The following SLC4A4 variants were observed in gnomAD, a reference collection of about 807,000 sequenced individuals.
The protein encoded by SLC4A4 is solute carrier family 4 member 4.
In SLC4A4, 27 loss-of-function variants were observed where a neutral mutation model predicts 111.5. That is an observed-to-expected ratio of 0.24 (90% CI 0.18 to 0.33). The LOEUF (loss-of-function observed/expected upper bound fraction) is 0.33, where lower values mean the gene tolerates loss of function less well. Among genes scored for constraint, SLC4A4 ranks in the 10% least tolerant of loss-of-function variants. The pLI, the probability that SLC4A4 is intolerant of heterozygous loss-of-function variation, is 1.00. For missense variants in SLC4A4, 909 were observed against 1,315.5 expected (o/e 0.69, Z 4.78); for synonymous variants, 443 against 463.4 (o/e 0.96, Z 0.57).
chr4:71,544,082 T>A (rs1239492279), intron 18 of SLC4A4, among the ~76,000 whole-genome samples: 1 of 152,100 alleles, frequency 6.6e-6, no homozygotes, highest in East Asian at 1.9e-4. Context: ...TACAGTCTAA[T>A]GTCAAAGACA....
chr4:71,142,789 T>A (rs953314909), intron 2 of SLC4A4, among the ~76,000 whole-genome samples: 1 of 147,934 alleles, frequency 6.8e-6, no homozygotes, highest in East Asian at 2.0e-4. Context: ...TTTTTTTAGC[T>A]TTCTACAGCT....
intron 12 of SLC4A4, among the ~76,000 whole-genome samples, chr4:71,463,509 G>A (rs551789014): frequency 9.2e-5 from 14 of 152,282 alleles, no homozygotes; most frequent in Non-Finnish European, 1.6e-4. Flanking sequence ...CCAGTGCAGT[G>A]TGTATAATAA....
rs1944911282 is a variant in SLC4A4, at chr4:71,497,635, C to A, written c.2109C>A (p.Thr703=). The part of the protein sequence containing the change: ...TLMSFILFLG[T]YTSSMALKKF... ...TGTCTTTTATCCTCTTCTTGGGAAC[C>A]TACACCTCTTCCATGGCTCTGAAAA... Residue 703 remains threonine, a synonymous_variant, in exon 16 of 26, where the codon ACC becomes ACA. Transcript: ENST00000264485. 1.2e-6 allele frequency: 2 copies of A among 1,613,530 alleles called. No homozygotes were observed. Among genetic ancestry groups the A allele is most frequent in the Admixed American group, 3.3e-5 (2 of 59,928 alleles).
intron 3 of SLC4A4, among the ~76,000 whole-genome samples, chr4:71,308,109 T>C (rs1008731367): frequency 6.6e-6 from 1 of 152,190 alleles, no homozygotes; most frequent in Non-Finnish European, 1.5e-5. Context: ...TATAGTCTTC[T>C]TTCTCTTCTC....
At chr4:71,505,599 C>T (rs965598100) in intron 16 of SLC4A4, among the ~76,000 whole-genome samples, 5 of 151,748 alleles carry the variant, frequency 3.3e-5, no homozygotes, top group Non-Finnish European at 5.9e-5. Flanking sequence ...AGACCTTTGT[C>T]GGATACATAG....
chr4:71,373,671 G>A lies in SLC4A4; in HGVS notation c.730+16484G>A, dbSNP rs534690197. Among the ~76,000 whole-genome samples the A allele has an allele frequency of 4.6e-5, 7 of 152,308 alleles. No individual in the cohort carries two copies. The South Asian group carries it at 1.0e-3, about 23-fold the overall frequency. The stretch of plus-strand genomic sequence containing the variant: ...AAGTTTTTAGTACGGAGATAGCATG[G>A]TTAGAACTTTATGTTAGGGAAATTA... On this transcript the variant is annotated intron_variant, in intron 6 of 25. Transcript: ENST00000264485.
At chr4:71,553,081 T>C (rs943344247) in intron 20 of SLC4A4, among the ~76,000 whole-genome samples, 1 of 151,938 alleles carries the variant, frequency 6.6e-6, no homozygotes, top group African/African-American at 2.4e-5. Flanking sequence ...TTTATTGAGA[T>C]GTTGCATTAT....
rs557570926 is a variant in SLC4A4, at chr4:71,088,060, A to C, written c.-64-4670A>C. On this transcript the variant is annotated intron_variant, in intron 1 of 26. Transcript: ENST00000649996. ...AGTCTAAGTCTCTTTGTAGGTCTCTAAGGACTTGCTTTATGAATCTGGGTT... is the reference window on the plus strand; with the variant it reads ...AGTCTAAGTCTCTTTGTAGGTCTCTCAGGACTTGCTTTATGAATCTGGGTT... Among the ~76,000 whole-genome samples the C allele has an allele frequency of 9.1e-3, 1,383 of 151,308 alleles. 18 individuals carry two copies. The highest frequency in any genetic ancestry group is 0.033 in the East Asian group (167 of 5,082).
intron 20 of SLC4A4, among the ~76,000 whole-genome samples, chr4:71,553,951 G>A (rs1399666858): frequency 6.6e-6 from 1 of 151,620 alleles, no homozygotes; most frequent in Admixed American, 6.6e-5. Flanking sequence ...TTTTGAAGAA[G>A]CATTTGATGT....
chr4:71,236,467 C>A, intron 1 of SLC4A4, 109 bp from the exon 2 acceptor site: 1 of 995,796 alleles, frequency 1.0e-6, no homozygotes. Context: ...CTCTGCCCTG[C>A]TAACATGAAC....
At chr4:71,211,049 T>A (rs1187911239) in intron 1 of SLC4A4, among the ~76,000 whole-genome samples, 1 of 152,270 alleles carries the variant, frequency 6.6e-6, no homozygotes, top group Non-Finnish European at 1.5e-5. Context: ...CTTTGTAATT[T>A]GTCTTGGCAA....
At chr4:71,251,085 A>G (rs1033062840) in intron 2 of SLC4A4, among the ~76,000 whole-genome samples, 1 of 152,228 alleles carries the variant, frequency 6.6e-6, no homozygotes. Context: ...TAATAGATGT[A>G]TCTTACATAT....
At chr4:71,196,390 A>G (rs1323539206) in intron 1 of SLC4A4, among the ~76,000 whole-genome samples, 1 of 152,224 alleles carries the variant, frequency 6.6e-6, no homozygotes, top group Non-Finnish European at 1.5e-5. Flanking sequence ...AAAGATTTAG[A>G]TAAACTAGAT....
chr4:71,183,043 C>T (rs1288301613), upstream of SLC4A4, among the ~76,000 whole-genome samples: 1 of 152,192 alleles, frequency 6.6e-6, no homozygotes, highest in Non-Finnish European at 1.5e-5. Context: ...GAAAGATTTG[C>T]ATATTTCTCT....
chr4:71,468,367 C>G lies in SLC4A4; in HGVS notation c.1631+1790C>G, dbSNP rs564613057. Among the ~76,000 whole-genome samples, 13 of 152,120 alleles carry G rather than the reference C, an allele frequency of 8.5e-5. No individual in the cohort carries two copies. The South Asian group carries it at 1.2e-3, about 15-fold the overall frequency. ...TTATTGGATGAAATGTGATCAGAGC[C>G]TTAATCTACAGAAAATGTTTGCATC... On this transcript the variant is annotated intron_variant, in intron 13 of 25. Coordinates refer to ENST00000264485, the MANE Select transcript of SLC4A4 (RefSeq NM_001098484.3).
intron 2 of SLC4A4, among the ~76,000 whole-genome samples, chr4:71,111,524 GTTTTTTTTTTTTTTTTT>G (rs150777420): frequency 1.6e-5 from 1 of 60,782 alleles, no homozygotes; most frequent in Non-Finnish European, 2.8e-5. Context: ...CCACGCTCAG[GTTTTTTTTTTTTTTTTT>G]TTTTTTTTTT....
intron 3 of SLC4A4, among the ~76,000 whole-genome samples, chr4:71,278,848 T>C (rs1221854722): frequency 1.3e-5 from 2 of 152,216 alleles, no homozygotes; most frequent in Non-Finnish European, 2.9e-5. Flanking sequence ...GAGTTCCTAA[T>C]ATGTTTTGGA....
intron 21 of SLC4A4, 63 bp downstream of exon 21, chr4:71,555,271 A>G (rs1736374077): frequency 9.2e-7 from 1 of 1,086,816 alleles, no homozygotes; most frequent in Middle Eastern, 2.1e-4. Context: ...ATAGTCCAGT[A>G]ACAGATCTTT....
intron 7 of SLC4A4, among the ~76,000 whole-genome samples, chr4:71,426,007 G>A (rs1467752386): frequency 6.6e-6 from 1 of 152,012 alleles, no homozygotes; most frequent in Admixed American, 6.6e-5. Flanking sequence ...GCTTTGTAGG[G>A]CCATTTCAAA....
Sources: allele counts gnomAD v4.1 joint callset (sites outside exome capture counted in the v4.1 genomes callset), GRCh38; gene constraint gnomAD v4.1.1; transcripts MANE v1.5; gene names NCBI Gene and HGNC (gene_info 2026-07-23, HGNC 2026-07-21).